Variants in DUSP22 observed in about 807,000 individuals in gnomAD.
The protein encoded by DUSP22 is dual specificity protein phosphatase 22.
DUSP22 carries 24 observed loss-of-function variants against 24.5 expected under a neutral mutation model. The observed-to-expected ratio is 0.98, with a 90% confidence interval of 0.71 to 1.38. The LOEUF is 1.38. DUSP22 is among the 40% of genes most tolerant of loss of function. DUSP22 has a pLI of 0.00. For missense variants in DUSP22, 330 were observed against 269.2 expected, an observed-to-expected ratio of 1.23 and a Z score of -1.58; for synonymous variants, 160 against 106.4, an observed-to-expected ratio of 1.50 and a Z score of -3.10.
At chr6:303,380 A>G (rs1468528053) in intron 1 of DUSP22, among the ~76,000 whole-genome samples, 3 of 152,300 alleles carry the variant, frequency 2.0e-5, no homozygotes, top group African/African-American at 7.2e-5. Flanking sequence ...CTGCACAGAG[A>G]CTAGCTCTGG....
Position 349,905 on chromosome 6 carries a change from G to C in DUSP22, c.*954G>C, listed in dbSNP as rs959146632. The C allele has an allele frequency of 7.9e-5, 78 of 985,776 alleles. No homozygotes were observed. Among genetic ancestry groups the C allele is most frequent in the Non-Finnish European group, 8.9e-5 (74 of 830,228 alleles). The allele number at this position is 985,776 out of a possible 1,614,324, so 61.1% of individuals were successfully genotyped here. A position where few individuals can be genotyped will look rare whatever the true frequency, so the allele number is the denominator to read the frequency against. On this transcript the variant is annotated 3_prime_UTR_variant, in exon 7 of 7. Coordinates refer to ENST00000419235, the MANE Select transcript of DUSP22 (RefSeq NM_001286555.3). ...ACCCCCTCCTCTCTGCTCCTTGCCA[G>C]CTTCATTCACTCCCAGCCTCTCGCT...
chr6:343,761 C>T (rs1759727882), intron 4 of DUSP22, among the ~76,000 whole-genome samples: 1 of 88,008 alleles, frequency 1.1e-5, no homozygotes, highest in Non-Finnish European at 2.3e-5. Flanking sequence ...TCTCACTGAG[C>T]ACCTGCCGTG....
In DUSP22 at chr6:348,133, G is replaced by A. The variant is rs1320219479; in HGVS notation, c.294G>A (p.Leu98=). ...CLAGVSRSVT[L]VIAYIMTVTD... is the part of the protein sequence containing the mutation. ...CCGGGGTCTCCAGGAGCGTGACACT[G>A]GTGATCGCATACATCATGACCGTCA... Residue 98 remains leucine (L), a synonymous_variant, in exon 6 of 7, where the codon CTG becomes CTA. Coordinates refer to ENST00000419235, the MANE Select transcript of DUSP22 (RefSeq NM_001286555.3). 2.5e-6 allele frequency: 4 copies of A among 1,614,294 alleles called. No homozygotes were observed. Among genetic ancestry groups the A allele is most frequent in the Non-Finnish European group, 3.4e-6 (4 of 1,180,058 alleles).
In DUSP22 at chr6:349,617, G is replaced by A. The variant is rs746741009; in HGVS notation, c.*666G>A. ...CCTCTAGAGGGAGGGTGGCTCTGGG[G>A]CCCTGGAAAACGTGAGAGACTGCCC... is the stretch of plus-strand genomic sequence containing the variant. On this transcript the variant is annotated 3_prime_UTR_variant, in exon 7 of 7. Transcript: ENST00000419235. 3.2e-5 allele frequency: 32 copies of A among 987,132 alleles called. No individual in the cohort carries two copies. Among genetic ancestry groups the A allele is most frequent in the Non-Finnish European group, 3.7e-5 (31 of 831,368 alleles). 61.1% of individuals were successfully genotyped at this position (987,132 alleles called of 1,614,324 possible).
chr6:302,547 T>C (rs1757633825), intron 1 of DUSP22, among the ~76,000 whole-genome samples: 1 of 152,302 alleles, frequency 6.6e-6, no homozygotes, highest in African/African-American at 2.4e-5. Context: ...ACCTCCACTT[T>C]CCCTGTGTGA....
chr6:309,513 T>C (rs1362647174), intron 2 of DUSP22, among the ~76,000 whole-genome samples: 1 of 152,302 alleles, frequency 6.6e-6, no homozygotes, highest in African/African-American at 2.4e-5. Context: ...TAATATCACC[T>C]AAATTTTTTT....
chr6:322,691 GAA>G (rs1758652867), intron 3 of DUSP22, among the ~76,000 whole-genome samples: 1 of 152,306 alleles, frequency 6.6e-6, no homozygotes, highest in Non-Finnish European at 1.5e-5. Flanking sequence ...TCCACGGAGG[GAA>G]AGAGTGTTTC....
chr6:329,308 C>T (rs909642252), intron 3 of DUSP22, among the ~76,000 whole-genome samples: 56 of 152,276 alleles, frequency 3.7e-4, no homozygotes, highest in Admixed American at 2.7e-3. Context: ...TCAAGGGCTG[C>T]GAGGAATGAG....
In DUSP22 at chr6:307,954, T is replaced by C. The variant is rs564225842; in HGVS notation, c.55+3293T>C. On this transcript the variant is annotated intron_variant, in intron 2 of 6. Coordinates refer to ENST00000419235, the MANE Select transcript of DUSP22 (RefSeq NM_001286555.3). ...AGGTCAGCATATGTCCATCCAGACT[T>C]ATTTTTTCCACATGAATTCTAACTG... Among the ~76,000 whole-genome samples, 8 of 152,412 alleles carry C rather than the reference T, an allele frequency of 5.2e-5. No individual in the cohort carries two copies. The South Asian group carries it at 1.7e-3, about 32-fold the overall frequency.
At chr6:299,109 T>C (rs576200760) in intron 1 of DUSP22, among the ~76,000 whole-genome samples, 37 of 152,408 alleles carry the variant, frequency 2.4e-4, no homozygotes, top group South Asian at 1.4e-3. Context: ...TGCTTATTAC[T>C]TCAGCATAGT....
At chr6:343,207 A>G (rs141482565) in intron 4 of DUSP22, among the ~76,000 whole-genome samples, 273 of 152,356 alleles carry the variant, frequency 1.8e-3, no homozygotes, top group African/African-American at 6.2e-3. Context: ...CTCATGGCCA[A>G]ATTCATGCTA....
chr6:338,579 C>T (rs1759464348), intron 4 of DUSP22, among the ~76,000 whole-genome samples: 1 of 152,294 alleles, frequency 6.6e-6, no homozygotes, highest in South Asian at 2.1e-4. Flanking sequence ...CAAAAGAAGT[C>T]TTACCTGTCA....
intron 1 of DUSP22, among the ~76,000 whole-genome samples, chr6:297,643 T>A (rs1402627164): frequency 6.6e-6 from 1 of 152,310 alleles, no homozygotes; most frequent in African/African-American, 2.4e-5. Flanking sequence ...TGTTGGCAGA[T>A]ATCCCCTGGG....
Position 351,249 on chromosome 6 carries a change from G to A in DUSP22, c.*2298G>A, listed in dbSNP as rs1455384605. The A allele has an allele frequency of 4.3e-6, 1 of 233,130 alleles. No individual in the cohort carries two copies. The highest frequency in any genetic ancestry group is 8.3e-6 in the Non-Finnish European group (1 of 119,866). The allele number at this position is 233,130 out of a possible 1,614,324, so 14.4% of individuals were successfully genotyped here. ...GTGTGTTCTCAAATTCCCCAGCTTG[G>A]GAAATAGCCCTTGGTGTGGGTTTTA... On this transcript the variant is annotated 3_prime_UTR_variant, in exon 7 of 7. Transcript: ENST00000419235.
rs1393419410 is a variant in DUSP22, at chr6:311,973, A to G, written c.138+11A>G. 2.5e-6 allele frequency: 4 copies of G among 1,608,978 alleles called. No homozygotes were observed. The highest frequency in any genetic ancestry group is 1.7e-5 in the Admixed American group (1 of 59,366). On this transcript the variant is annotated intron_variant, in intron 3 of 6. Coordinates refer to ENST00000419235, the MANE Select transcript of DUSP22 (RefSeq NM_001286555.3). ...AGGCCTATGTTGGAGGTAAGAGAGC[A>G]CCGTGGGGCGTGTGTGGGTGTCCTC...
chr6:292,657 C>T (rs1007775246), intron 1 of DUSP22, 97 bp downstream of exon 1: 7 of 1,487,614 alleles, frequency 4.7e-6, no homozygotes, highest in Admixed American at 2.5e-5. Context: ...CCGGGGTGCC[C>T]TTTCCCGCGG....
Position 348,854 on chromosome 6 carries a change from A to C in DUSP22, c.521A>C (p.Glu174Ala). 1 of 1,614,312 alleles carries C rather than the reference A, an allele frequency of 6.2e-7. No homozygotes were observed. Among genetic ancestry groups the C allele is most frequent in the African/African-American group, 1.3e-5 (1 of 75,088 alleles). Residue 174 changes from glutamate to alanine, a missense_variant, in exon 7 of 7, where the codon GAG (glutamate) becomes GCG (alanine). Physicochemically the swap from Glu to Ala is moderately radical, Grantham distance 107 (BLOSUM62 -1). Coordinates refer to ENST00000419235, the MANE Select transcript of DUSP22 (RefSeq NM_001286555.3). The stretch of plus-strand genomic sequence containing the variant: ...AAAAACATTCTGGGTAAATATAAGG[A>C]GCAAGGGCGCACAGAGCCCCAGCCC... Reference protein sequence around the residue: ...EAKNILGKYKEQGRTEPQPGA... With the variant: ...EAKNILGKYKAQGRTEPQPGA...
chr6:321,853 A>T (rs1432956374), intron 3 of DUSP22, among the ~76,000 whole-genome samples: 2 of 152,306 alleles, frequency 1.3e-5, no homozygotes, highest in South Asian at 2.1e-4. Flanking sequence ...GGGTACAGCT[A>T]ATTAGGCTAT....
At chr6:293,797 C>CT (rs11436850) in intron 1 of DUSP22, among the ~76,000 whole-genome samples, 12,427 of 123,888 alleles carry the variant, frequency 0.1, 490 homozygotes, top group African/African-American at 0.23. Context: ...ATTGTATTCA[C>CT]TTTTTTTTTT....
Sources: gnomAD v4.1 joint callset for allele counts (sites outside exome capture counted in the v4.1 genomes callset) on GRCh38, gnomAD v4.1.1 for gene constraint, MANE v1.5 for transcripts, NCBI Gene and HGNC (gene_info 2026-07-23, HGNC 2026-07-21) for gene names.